BMP5: variants seen among roughly 807,000 people sequenced by gnomAD.
BMP5 encodes bone morphogenetic protein 5.
In BMP5, 23 loss-of-function variants were observed where a neutral mutation model predicts 46.6. The observed-to-expected ratio is 0.49, with a 90% confidence interval of 0.35 to 0.70. The LOEUF (loss-of-function observed/expected upper bound fraction) is 0.70, where lower values mean the gene tolerates loss of function less well. Ranked by LOEUF, BMP5 falls within the 30% of genes least tolerant of loss-of-function variation. BMP5 has a pLI of 0.00. For synonymous variants in BMP5, 204 were observed against 191.9 expected (o/e 1.06, Z -0.52); for missense variants, 545 against 565.6 (o/e 0.96, Z 0.37).
At chr6:55,862,371 T>A (rs1004432725) in intron 1 of BMP5, among the ~76,000 whole-genome samples, 1 of 152,172 alleles carries the variant, frequency 6.6e-6, no homozygotes, top group Non-Finnish European at 1.5e-5. Context: ...ATGAAAGTGG[T>A]CCTTATACCA....
chr6:55,835,736 A>C (rs1582105124), intron 1 of BMP5, among the ~76,000 whole-genome samples: 1 of 152,180 alleles, frequency 6.6e-6, no homozygotes, highest in East Asian at 1.9e-4. Context: ...TATAGCCTAC[A>C]TTGTGTTCAA....
chr6:55,775,319 C>T (rs1276312402), intron 3 of BMP5, among the ~76,000 whole-genome samples: 1 of 151,810 alleles, frequency 6.6e-6, no homozygotes, highest in East Asian at 1.9e-4. Context: ...TCCACAAATG[C>T]CCTACAGTTA....
At chr6:55,823,689 C>A (rs1187828965) in intron 1 of BMP5, among the ~76,000 whole-genome samples, 1 of 151,804 alleles carries the variant, frequency 6.6e-6, no homozygotes, top group African/African-American at 2.4e-5. Flanking sequence ...GGAAAGTTGA[C>A]CTTGTTTCAG....
At chr6:55,780,456 T>TTAAA in intron 3 of BMP5, among the ~76,000 whole-genome samples, 1 of 61,996 alleles carries the variant, frequency 1.6e-5, no homozygotes, top group East Asian at 4.4e-4. Context: ...CCATCACTAC[T>TTAAA]AAAAAAAAAA....
At chr6:55,803,586 A>T (rs925692389) in intron 2 of BMP5, among the ~76,000 whole-genome samples, 1 of 152,148 alleles carries the variant, frequency 6.6e-6, no homozygotes, top group African/African-American at 2.4e-5. Flanking sequence ...GCTCGCATAC[A>T]TTGTCACTGA....
intron 2 of BMP5, among the ~76,000 whole-genome samples, chr6:55,803,475 A>G (rs1582077781): frequency 6.6e-6 from 1 of 152,332 alleles, no homozygotes; most frequent in East Asian, 1.9e-4. Context: ...GCTGCTTTGA[A>G]GTTAGCCATC....
chr6:55,763,952 C>T lies in BMP5; in HGVS notation c.1028-3419G>A, dbSNP rs368512976. ...AAAATCATGAAAAACAAAATAAATA[C>T]GTGGAGGTAAAAGTTGGTAAAACAC... On this transcript the variant is annotated intron_variant, in intron 4 of 6. Transcript: ENST00000370830. Among the ~76,000 whole-genome samples, 14 of 151,968 alleles carry T rather than the reference C, an allele frequency of 9.2e-5. No homozygotes were observed. The South Asian group carries it at 2.3e-3, about 25-fold the overall frequency.
In BMP5 at chr6:55,782,100, T is replaced by C. The variant is rs16869617; in HGVS notation, c.833-7857A>G. Among the ~76,000 whole-genome samples the C allele has an allele frequency of 6.0e-4, 92 of 152,202 alleles. 1 individual carries two copies. The East Asian group carries it at 0.014, about 23-fold the overall frequency. ...CTGAGATACCTAATGTAATATGCCA[T>C]AGTAACTACTTCTGCAGGAACACAT... On this transcript the variant is annotated intron_variant, in intron 3 of 6. Coordinates refer to ENST00000370830, the MANE Select transcript of BMP5 (RefSeq NM_021073.4).
At chr6:55,839,541 C>A (rs952985856) in intron 1 of BMP5, among the ~76,000 whole-genome samples, 4 of 152,146 alleles carry the variant, frequency 2.6e-5, no homozygotes, top group Non-Finnish European at 5.9e-5. Context: ...TCTTGAACTC[C>A]TGGTCTCAAG....
At chr6:55,779,685 A>G (rs1775260683) in intron 3 of BMP5, among the ~76,000 whole-genome samples, 1 of 152,018 alleles carries the variant, frequency 6.6e-6, no homozygotes, top group African/African-American at 2.4e-5. Flanking sequence ...TCTTAAATTA[A>G]GTATATTGTA....
At chr6:55,811,255 C>T (rs1049890154) in intron 2 of BMP5, among the ~76,000 whole-genome samples, 3 of 152,122 alleles carry the variant, frequency 2.0e-5, no homozygotes, top group Non-Finnish European at 4.4e-5. Context: ...GGAATGATGA[C>T]AGCTTAACTA....
chr6:55,783,392 T>C (rs564612033), intron 3 of BMP5, among the ~76,000 whole-genome samples: 38 of 152,036 alleles, frequency 2.5e-4, no homozygotes, highest in Admixed American at 6.6e-4. Flanking sequence ...TGTTTCTGTT[T>C]TGGTTTTCCT....
At chr6:55,801,241 T>C (rs1775842201) in intron 2 of BMP5, among the ~76,000 whole-genome samples, 1 of 152,218 alleles carries the variant, frequency 6.6e-6, no homozygotes, top group Non-Finnish European at 1.5e-5. Flanking sequence ...CTTAGAAGAC[T>C]ACCTTGTGGT....
rs777374346 is a variant in BMP5, at chr6:55,819,728, G to A, written c.610C>T (p.Arg204Trp). The change falls in exon 2 of 7, where the codon CGG becomes TGG. Residue 204 changes from arginine to tryptophan, a missense_variant. Coordinates refer to ENST00000370830, the MANE Select transcript of BMP5 (RefSeq NM_021073.4). ...TAAEFRIYKDRSNNRFENETI... is the reference protein window; with the variant it reads ...TAAEFRIYKDWSNNRFENETI... Reference sequence around the variant, plus strand: ...TCATTTTCAAATCGGTTGTTGCTCCGGTCCTTGTATATCCGGAATTCAGCT... The same window carrying A: ...TCATTTTCAAATCGGTTGTTGCTCCAGTCCTTGTATATCCGGAATTCAGCT... 148 of 1,613,538 alleles carry A rather than the reference G, an allele frequency of 9.2e-5. No individual in the cohort carries two copies. The highest frequency in any genetic ancestry group is 1.2e-4 in the Admixed American group (7 of 59,896).
intron 1 of BMP5, among the ~76,000 whole-genome samples, chr6:55,851,362 C>T (rs3823038): frequency 0.43 from 64,699 of 151,700 alleles, 14,848 homozygotes; most frequent in African/African-American, 0.59. Context: ...GTGAGGAATA[C>T]GCTATGTATG....
chr6:55,807,824 T>C (rs998793539), intron 2 of BMP5, among the ~76,000 whole-genome samples: 1 of 152,166 alleles, frequency 6.6e-6, no homozygotes, highest in Admixed American at 6.5e-5. Context: ...CCATTTCTTC[T>C]AGATTTTATA....
chr6:55,810,182 C>A (rs956355804), intron 2 of BMP5, among the ~76,000 whole-genome samples: 1 of 152,016 alleles, frequency 6.6e-6, no homozygotes, highest in Non-Finnish European at 1.5e-5. Flanking sequence ...AATGGTAAAT[C>A]GCTTTTTTTC....
chr6:55,865,739 T>C (rs979042937), intron 1 of BMP5, among the ~76,000 whole-genome samples: 1 of 152,192 alleles, frequency 6.6e-6, no homozygotes, highest in African/African-American at 2.4e-5. Flanking sequence ...ATAGTTGTAA[T>C]AGCAGTTGAG....
intron 1 of BMP5, among the ~76,000 whole-genome samples, chr6:55,831,493 A>G (rs546270722): frequency 6.6e-6 from 1 of 152,238 alleles, no homozygotes; most frequent in Non-Finnish European, 1.5e-5. Context: ...ACTAATACAA[A>G]TCCTATAAAA....
Sources: allele counts gnomAD v4.1 joint callset (sites outside exome capture counted in the v4.1 genomes callset), GRCh38; gene constraint gnomAD v4.1.1; transcripts MANE v1.5; gene names NCBI Gene and HGNC (gene_info 2026-07-23, HGNC 2026-07-21).